Variants in CDH19 observed in about 807,000 individuals in gnomAD.
CDH19 encodes the protein cadherin-19.
A neutral mutation model predicts 64.2 loss-of-function variants in CDH19; 67 were observed. The ratio of observed to expected loss-of-function variants is 1.04; its 90% CI spans 0.86 to 1.28. The LOEUF (loss-of-function observed/expected upper bound fraction) is 1.28. CDH19 is among the 50% of genes most tolerant of loss of function. The pLI, the probability that CDH19 is intolerant of heterozygous loss-of-function variation, is 0.00. For synonymous variants in CDH19, 346 were observed against 319.3 expected (o/e 1.08, Z -0.89); for missense variants, 1,030 against 929.0 (o/e 1.11, Z -1.41).
intron 1 of CDH19, among the ~76,000 whole-genome samples, chr18:66,594,379 A>T (rs75832112): frequency 0.02 from 3,052 of 152,220 alleles, 37 homozygotes; most frequent in Middle Eastern, 0.061. Flanking sequence ...TAATAAAGAT[A>T]TTCAGAACCT....
intron 1 of CDH19, among the ~76,000 whole-genome samples, chr18:66,574,582 A>C (rs2144587903): frequency 6.6e-6 from 1 of 151,846 alleles, no homozygotes; most frequent in East Asian, 1.9e-4. Context: ...ATTAAAAATG[A>C]ACAAACTATC....
intron 1 of CDH19, among the ~76,000 whole-genome samples, chr18:66,597,389 T>A (rs1240728196): frequency 6.6e-6 from 1 of 152,058 alleles, no homozygotes; most frequent in Admixed American, 6.6e-5. Flanking sequence ...GGTGCTGGGA[T>A]AACTGGCTAG....
At position 66,505,286 on chromosome 18, in the gene CDH19, AGTC is replaced by A. The variant is rs1181686882; in HGVS notation, c.1842_1844del (p.Leu614_Thr615delinsPhe). 1.3e-6 allele frequency: 2 copies of A among 1,560,142 alleles called. No individual in the cohort carries two copies. Among genetic ancestry groups the A allele is most frequent in the Admixed American group, 2.1e-5 (1 of 47,856 alleles). On this transcript the variant is annotated inframe_deletion, in exon 12 of 12. Transcript: ENST00000262150. ...GTTTTCTCCGTTGTTTTAAACCCAA[AGTC>A]AAAAAAATAAACCCTGATGAAGAAA... is the stretch of plus-strand genomic sequence containing the variant.
intron 9 of CDH19, among the ~76,000 whole-genome samples, chr18:66,528,745 A>G (rs1341965907): frequency 6.6e-6 from 1 of 152,124 alleles, no homozygotes; most frequent in Non-Finnish European, 1.5e-5. Context: ...ATTCCTCAGC[A>G]TAGTAGCTAA....
chr18:66,535,812 T>C (rs1320729019), intron 7 of CDH19, among the ~76,000 whole-genome samples: 1 of 141,786 alleles, frequency 7.1e-6, no homozygotes, highest in Non-Finnish European at 1.5e-5. Context: ...ATGTAATATA[T>C]GATACATATG....
chr18:66,514,835 A>G (rs1255894146), intron 9 of CDH19, among the ~76,000 whole-genome samples: 6 of 151,614 alleles, frequency 4.0e-5, no homozygotes, highest in Non-Finnish European at 8.9e-5. Flanking sequence ...TCTTCAAACC[A>G]AAGAGATGGT....
intron 9 of CDH19, among the ~76,000 whole-genome samples, chr18:66,523,973 A>G (rs563178474): frequency 2.6e-4 from 40 of 152,122 alleles, no homozygotes; most frequent in South Asian, 2.1e-3. Context: ...GCAGGTATTG[A>G]GGCATGAATG....
At chr18:66,542,414 T>G (rs1986922955) in intron 7 of CDH19, among the ~76,000 whole-genome samples, 1 of 152,090 alleles carries the variant, frequency 6.6e-6, no homozygotes, top group Non-Finnish European at 1.5e-5. Context: ...TAAGGAAAGG[T>G]GTTGGAGAAA....
chr18:66,511,403 C>T (rs1985476990), intron 10 of CDH19, among the ~76,000 whole-genome samples, 165 bp downstream of exon 10: 1 of 151,640 alleles, frequency 6.6e-6, no homozygotes, highest in African/African-American at 2.4e-5. Context: ...ATTTTTAGAA[C>T]TTAACATTGA....
In CDH19 at chr18:66,572,218, T is replaced by C. The variant is rs1988130091; in HGVS notation, c.-14A>G. On this transcript the variant is annotated 5_prime_UTR_variant, in exon 2 of 12. Transcript: ENST00000262150. ...ATAACAGTTCATTGCGTTGACTCTT[T>C]TGATTCCAACTATTACTCTTCAGAG... 1.2e-6 allele frequency: 2 copies of C among 1,601,202 alleles called. No individual in the cohort carries two copies. The highest frequency in any genetic ancestry group is 1.7e-6 in the Non-Finnish European group (2 of 1,170,470).
intron 1 of CDH19, among the ~76,000 whole-genome samples, chr18:66,597,897 T>C (rs12455501): frequency 0.34 from 51,196 of 151,336 alleles, 10,071 homozygotes; most frequent in Non-Finnish European, 0.45. Context: ...TGTCATGGGG[T>C]GGGAGGAAGG....
At chr18:66,583,783 G>C (rs1988493152) in intron 1 of CDH19, among the ~76,000 whole-genome samples, 1 of 151,934 alleles carries the variant, frequency 6.6e-6, no homozygotes, top group Non-Finnish European at 1.5e-5. Context: ...ATGGTGTTGG[G>C]TAACTGGCTA....
At chr18:66,505,559 TAA>T (rs1491209210) in intron 11 of CDH19, among the ~76,000 whole-genome samples, 1 of 134,550 alleles carries the variant, frequency 7.4e-6, no homozygotes, top group Non-Finnish European at 1.6e-5. Context: ...ATATATATAT[TAA>T]TATATATATA....
chr18:66,520,278 T>C (rs998585829), intron 9 of CDH19, among the ~76,000 whole-genome samples: 1 of 150,766 alleles, frequency 6.6e-6, no homozygotes, highest in African/African-American at 2.4e-5. Context: ...ATTAAACGCC[T>C]ATCTTTTTTA....
chr18:66,542,948 A>G (rs1192334026), intron 7 of CDH19, among the ~76,000 whole-genome samples: 2 of 152,198 alleles, frequency 1.3e-5, no homozygotes, highest in Non-Finnish European at 2.9e-5. Context: ...TCCTGGTGGC[A>G]GAAAGGTTGA....
chr18:66,593,457 C>A (rs1178052585), intron 1 of CDH19, among the ~76,000 whole-genome samples: 7 of 151,848 alleles, frequency 4.6e-5, no homozygotes, highest in Non-Finnish European at 4.4e-5. Context: ...TATAAGTTCT[C>A]TTAAGTGTTT....
chr18:66,553,872 T>C (rs1987422153), intron 4 of CDH19, among the ~76,000 whole-genome samples: 1 of 134,388 alleles, frequency 7.4e-6, no homozygotes, highest in South Asian at 2.4e-4. Context: ...GAATCAAATA[T>C]TGTATTCATG....
rs1985049114 is a variant in CDH19, at chr18:66,503,775, A to G, written c.*1037T>C. The stretch of plus-strand genomic sequence containing the variant: ...TAACTCTGATTAATTTGTATACACC[A>G]AGTATCTGTTCAAATTTGAAATCAG... On this transcript the variant is annotated 3_prime_UTR_variant, in exon 12 of 12. Coordinates refer to ENST00000262150, the MANE Select transcript of CDH19 (RefSeq NM_021153.4). The G allele has an allele frequency of 6.6e-6, 1 of 151,934 alleles. No homozygotes were observed. The highest frequency in any genetic ancestry group is 6.6e-5 in the Admixed American group (1 of 15,220). 9.4% of individuals were successfully genotyped at this position (151,934 alleles called of 1,614,324 possible). A position where few individuals can be genotyped will look rare whatever the true frequency, so the allele number is the denominator to read the frequency against.
At chr18:66,600,177 AT>A (rs1376757742) in intron 1 of CDH19, among the ~76,000 whole-genome samples, 1 of 151,886 alleles carries the variant, frequency 6.6e-6, no homozygotes, top group Admixed American at 6.6e-5. Flanking sequence ...ATGTGACTTT[AT>A]TCCTAAAATT....
Sources: allele counts gnomAD v4.1 joint callset (sites outside exome capture counted in the v4.1 genomes callset), GRCh38; gene constraint gnomAD v4.1.1; transcripts MANE v1.5; gene names NCBI Gene and HGNC (gene_info 2026-07-23, HGNC 2026-07-21).